Variants in VPS13B observed in about 807,000 individuals in gnomAD.
VPS13B encodes intermembrane lipid transfer protein VPS13B.
Under a neutral mutation model 426.4 loss-of-function variants are expected in VPS13B, and 285 were observed. That is an observed-to-expected ratio of 0.67 (90% confidence interval 0.61 to 0.74). The LOEUF (loss-of-function observed/expected upper bound fraction) is 0.74, where lower values mean the gene tolerates loss of function less well. Among genes scored for constraint, VPS13B ranks in the 30% least tolerant of loss-of-function variants. The pLI is 0.00. For missense variants in VPS13B, 4,537 were observed against 4,782.6 expected, an observed-to-expected ratio of 0.95 and a Z score of 1.51; for synonymous variants, 1,676 against 1,676.4, an observed-to-expected ratio of 1.00 and a Z score of 0.01.
intron 25 of VPS13B, among the ~76,000 whole-genome samples, chr8:99,499,030 G>A (rs1821088068): frequency 6.6e-6 from 1 of 152,100 alleles, no homozygotes; most frequent in Admixed American, 6.6e-5. Context: ...CAAGGATGAA[G>A]GGATATAAAG....
Position 99,853,974 on chromosome 8 carries a change from T to G in VPS13B, c.10585T>G (p.Leu3529Val), listed in dbSNP as rs772049732. 1.2e-6 allele frequency: 2 copies of G among 1,614,246 alleles called. No individual in the cohort carries two copies. The highest frequency in any genetic ancestry group is 1.7e-6 in the Non-Finnish European group (2 of 1,180,046). ...LFDTYLPNSR[L>V]AGHSTHLSGG... is the part of the protein sequence containing the mutation. The stretch of plus-strand genomic sequence containing the variant: ...TGACACCTACCTTCCTAACAGCAGG[T>G]TGGCTGGTCACTCCACACACCTCTC... Residue 3529 changes from leucine to valine, a missense_variant, in exon 56 of 62, where the codon TTG becomes GTG. Transcript: ENST00000357162.
chr8:99,034,044 T>C (rs1387972024), intron 2 of VPS13B, among the ~76,000 whole-genome samples: 1 of 152,264 alleles, frequency 6.6e-6, no homozygotes, highest in Non-Finnish European at 1.5e-5. Context: ...CTGTACACTT[T>C]GCATGTGTCA....
At chr8:99,413,178 C>T (rs1008692793) in intron 21 of VPS13B, among the ~76,000 whole-genome samples, 24 of 151,544 alleles carry the variant, frequency 1.6e-4, no homozygotes, top group Admixed American at 1.6e-3. Context: ...TCTTTGAATC[C>T]ATAGGGTCCT....
intron 39 of VPS13B, among the ~76,000 whole-genome samples, chr8:99,748,379 T>G (rs557266843): frequency 2.0e-4 from 30 of 152,104 alleles, no homozygotes; most frequent in African/African-American, 6.5e-4. Context: ...ACTTAGAAAA[T>G]TATAGATTCT....
chr8:99,507,096 A>T (rs1821539850), intron 27 of VPS13B, 41 bp from the exon 28 acceptor site: 1 of 1,609,974 alleles, frequency 6.2e-7, no homozygotes, highest in Admixed American at 1.7e-5. Context: ...TTAACTCAGA[A>T]AAATTGAAGA....
At chr8:99,712,034 G>A (rs1273974552) in intron 36 of VPS13B, among the ~76,000 whole-genome samples, 1 of 152,238 alleles carries the variant, frequency 6.6e-6, no homozygotes, top group Non-Finnish European at 1.5e-5. Context: ...GAGTAGAGAA[G>A]TTTGCTGAAA....
intron 16 of VPS13B, among the ~76,000 whole-genome samples, chr8:99,181,907 A>G (rs906854425): frequency 6.6e-6 from 1 of 152,178 alleles, no homozygotes; most frequent in African/African-American, 2.4e-5. Context: ...AAATTATTGT[A>G]TACAGAATAT....
At chr8:99,212,600 C>T (rs549228005) in intron 17 of VPS13B, among the ~76,000 whole-genome samples, 184 of 152,314 alleles carry the variant, frequency 1.2e-3, no homozygotes, top group African/African-American at 3.7e-3. Flanking sequence ...CATTGTGAAT[C>T]TCAGATCTAT....
chr8:99,548,863 T>TA (rs1171977382), intron 30 of VPS13B, among the ~76,000 whole-genome samples: 1 of 151,962 alleles, frequency 6.6e-6, no homozygotes, highest in Non-Finnish European at 1.5e-5. Context: ...TTTATCTGCC[T>TA]AAAAAAACTA....
chr8:99,693,676 G>A (rs1478705144), intron 35 of VPS13B, among the ~76,000 whole-genome samples: 1 of 118,100 alleles, frequency 8.5e-6, no homozygotes, highest in Non-Finnish European at 1.7e-5. Flanking sequence ...ATTCAACATA[G>A]TGTTGGAAGT....
chr8:99,339,211 G>T (rs1440934506), intron 19 of VPS13B, among the ~76,000 whole-genome samples: 3 of 152,086 alleles, frequency 2.0e-5, no homozygotes, highest in Non-Finnish European at 4.4e-5. Context: ...AAGAGTTTTT[G>T]TATTAGGTCG....
At chr8:99,143,296 T>A in intron 13 of VPS13B, 131 bp downstream of exon 13, 2 of 1,086,270 alleles carry the variant, frequency 1.8e-6, no homozygotes, top group Non-Finnish European at 2.7e-6. Flanking sequence ...TTGATATATG[T>A]AGCTGTTTAT....
In VPS13B at chr8:99,144,358, G is replaced by T. The variant is rs1353760441; in HGVS notation, c.1843+1193G>T. 3.3e-5 allele frequency among the ~76,000 whole-genome samples: 5 copies of T among 151,610 alleles called. 1 individual carries two copies. Among genetic ancestry groups the T allele is most frequent in the Admixed American group, 3.3e-4 (5 of 15,210 alleles). The stretch of plus-strand genomic sequence containing the variant: ...GATTAAAAAAAAAAAAATTAGTTGG[G>T]TGTGGTGGTACATGGCTGTGGTCTC... On this transcript the variant is annotated intron_variant, in intron 13 of 61. Coordinates refer to ENST00000357162, the MANE Select transcript of VPS13B (RefSeq NM_152564.5).
intron 23 of VPS13B, among the ~76,000 whole-genome samples, chr8:99,459,179 G>A (rs1456877279): frequency 6.6e-6 from 1 of 152,150 alleles, no homozygotes; most frequent in Non-Finnish European, 1.5e-5. Context: ...GTAGGCACTT[G>A]AACGTGTATT....
chr8:99,500,383 T>A (rs1821163226), intron 25 of VPS13B, among the ~76,000 whole-genome samples: 1 of 152,180 alleles, frequency 6.6e-6, no homozygotes, highest in Non-Finnish European at 1.5e-5. Context: ...TCTTAAGCAT[T>A]AGTTCAACTT....
chr8:99,801,199 CCT>C (rs1451514195), intron 43 of VPS13B, among the ~76,000 whole-genome samples: 1 of 152,076 alleles, frequency 6.6e-6, no homozygotes, highest in Non-Finnish European at 1.5e-5. Context: ...TCTCTCCCAC[CCT>C]CTGTCTCAAG....
At chr8:99,636,972 C>A (rs1829096338) in intron 33 of VPS13B, among the ~76,000 whole-genome samples, 1 of 151,934 alleles carries the variant, frequency 6.6e-6, no homozygotes, top group Non-Finnish European at 1.5e-5. Flanking sequence ...TTTTATTGTT[C>A]ATCTTAAATA....
chr8:99,641,078 C>G (rs1441176174), intron 33 of VPS13B, among the ~76,000 whole-genome samples: 2 of 152,124 alleles, frequency 1.3e-5, no homozygotes, highest in Non-Finnish European at 2.9e-5. Flanking sequence ...CCAAGTTGCT[C>G]TTTGTTCTAT....
At chr8:99,116,110 C>G (rs1275348109) in intron 7 of VPS13B, among the ~76,000 whole-genome samples, 1 of 152,136 alleles carries the variant, frequency 6.6e-6, no homozygotes, top group African/African-American at 2.4e-5. Flanking sequence ...TCACTGCAAC[C>G]TCTGCCTCTC....
Sources: gnomAD v4.1 joint callset for allele counts (sites outside exome capture counted in the v4.1 genomes callset) on GRCh38, gnomAD v4.1.1 for gene constraint, MANE v1.5 for transcripts, NCBI Gene and HGNC (gene_info 2026-07-23, HGNC 2026-07-21) for gene names.